ZDHHC11B: variants seen among roughly 807,000 people sequenced by gnomAD.
ZDHHC11B encodes the protein probable palmitoyltransferase ZDHHC11B.
A neutral mutation model predicts 42.3 loss-of-function variants in ZDHHC11B; 17 were observed. That is an observed-to-expected ratio of 0.40 (90% CI 0.27 to 0.60). The LOEUF (loss-of-function observed/expected upper bound fraction) is 0.60. Among genes scored for constraint, ZDHHC11B ranks in the 20% least tolerant of loss-of-function variants. The pLI is 0.41. For synonymous variants in ZDHHC11B, 123 were observed against 193.5 expected, an observed-to-expected ratio of 0.64 and a Z score of 3.02; for missense variants, 262 against 463.2, an observed-to-expected ratio of 0.57 and a Z score of 3.99.
chr5:771,419 G>A (rs866898894), intron 1 of ZDHHC11B, among the ~76,000 whole-genome samples: 2 of 151,628 alleles, frequency 1.3e-5, no homozygotes, highest in South Asian at 2.1e-4. Context: ...GGATGCAGGG[G>A]CAGGATCCTG....
In ZDHHC11B at chr5:760,664, T is replaced by C. The variant is rs560943361; in HGVS notation, c.223-4520A>G. On this transcript the variant is annotated intron_variant, in intron 4 of 13. Transcript: ENST00000508859. ...GGAGGGCACCTTCCTCTGCAGAGCA[T>C]GCACTGGGCCCTGCGGTGGAATCGC... Among the ~76,000 whole-genome samples the C allele has an allele frequency of 1.4e-4, 21 of 151,950 alleles. 2 individuals carry two copies. In the South Asian group the frequency reaches 4.0e-3, roughly 29 times the overall value.
In ZDHHC11B at chr5:767,397, C is replaced by A. The variant is rs528726624; in HGVS notation, c.-6G>T. 4 of 1,567,050 alleles carry A rather than the reference C, an allele frequency of 2.6e-6. No homozygotes were observed. Among genetic ancestry groups the A allele is most frequent in the Non-Finnish European group, 3.5e-6 (4 of 1,151,340 alleles). ...TCCCCGGGGCCAACACCTGCCTCGG[C>A]GCACACTGCACGCCTGTCTCATCTC... On this transcript the variant is annotated 5_prime_UTR_variant, in exon 3 of 14. Transcript: ENST00000508859.
intron 13 of ZDHHC11B, among the ~76,000 whole-genome samples, chr5:713,873 C>T (rs1268796639): frequency 2.0e-5 from 3 of 147,422 alleles, no homozygotes; most frequent in African/African-American, 7.4e-5. Flanking sequence ...TACTGATTGG[C>T]TTGCCATTTT....
At chr5:743,267 GTCTC>G (rs1315073479) in intron 9 of ZDHHC11B, among the ~76,000 whole-genome samples, 1 of 149,532 alleles carries the variant, frequency 6.7e-6, no homozygotes, top group African/African-American at 2.5e-5. Context: ...GTAGCTTTAT[GTCTC>G]TCTCTATGTC....
chr5:771,858 C>A (rs1165851938), intron 1 of ZDHHC11B, among the ~76,000 whole-genome samples: 1 of 146,050 alleles, frequency 6.8e-6, no homozygotes, highest in South Asian at 2.3e-4. Context: ...TATTCACACA[C>A]CTCAGAGAGT....
chr5:741,145 T>C (rs1162570104), intron 10 of ZDHHC11B, among the ~76,000 whole-genome samples: 1 of 127,022 alleles, frequency 7.9e-6, no homozygotes, highest in African/African-American at 2.7e-5. Flanking sequence ...CCTGGCCCTG[T>C]TGGGTGGGGC....
chr5:752,610 G>A (rs1697957), intron 6 of ZDHHC11B, among the ~76,000 whole-genome samples: 1 of 93,248 alleles, frequency 1.1e-5, no homozygotes, highest in Non-Finnish European at 2.5e-5. Context: ...TGCCGCAGTC[G>A]TCCGAAGACG....
At chr5:719,938 G>C (rs1381883727) in intron 12 of ZDHHC11B, among the ~76,000 whole-genome samples, 1 of 151,744 alleles carries the variant, frequency 6.6e-6, no homozygotes, top group Non-Finnish European at 1.5e-5. Context: ...GGACATGAAT[G>C]ATCCCTTTGT....
At chr5:777,063 A>G (rs1736565928) in intron 1 of ZDHHC11B, among the ~76,000 whole-genome samples, 1 of 151,868 alleles carries the variant, frequency 6.6e-6, no homozygotes, top group Non-Finnish European at 1.5e-5. Flanking sequence ...GGTCTCGCTG[A>G]CGTCAGGAAT....
chr5:726,763 C>A (rs1453129625), intron 12 of ZDHHC11B, among the ~76,000 whole-genome samples: 2 of 102,966 alleles, frequency 1.9e-5, no homozygotes, highest in African/African-American at 8.4e-5. Flanking sequence ...TAGGTTTTTA[C>A]ACCAAGAATG....
intron 1 of ZDHHC11B, among the ~76,000 whole-genome samples, chr5:778,002 C>A (rs1412072841): frequency 1.3e-5 from 2 of 151,944 alleles, no homozygotes; most frequent in Non-Finnish European, 2.9e-5. Flanking sequence ...AGAATTTGAG[C>A]ATGGCGCAGG....
At chr5:732,961 G>C (rs1002866476) in intron 11 of ZDHHC11B, among the ~76,000 whole-genome samples, 15 of 151,762 alleles carry the variant, frequency 9.9e-5, no homozygotes, top group Non-Finnish European at 2.1e-4. Flanking sequence ...GGAGGCTGAG[G>C]TGGGACAATT....
At position 754,389 on chromosome 5, in the gene ZDHHC11B, T is replaced by TGA. The variant is rs1561163868; in HGVS notation, c.503+608_503+609insTC. 9.6e-3 allele frequency among the ~76,000 whole-genome samples: 251 copies of TGA among 26,182 alleles called. 8 individuals carry two copies. Among genetic ancestry groups the TGA allele is most frequent in the African/African-American group, 0.034 (155 of 4,526 alleles). The allele number at this position is 26,182 out of a possible 152,430, so 17.2% of individuals were successfully genotyped here. A position where few individuals can be genotyped will look rare whatever the true frequency, so the allele number is the denominator to read the frequency against. ...TCAGGGGAAACACCTCTCATCCTTG[T>TGA]GCCTCCACCATGCTCAGGAGAAACA... On this transcript the variant is annotated intron_variant, in intron 6 of 13. Transcript: ENST00000508859.
intron 1 of ZDHHC11B, among the ~76,000 whole-genome samples, chr5:780,283 C>T (rs1422529903): frequency 1.3e-5 from 2 of 150,654 alleles, no homozygotes; most frequent in African/African-American, 4.9e-5. Context: ...AAAGAACATC[C>T]CAGGAATGCC....
chr5:742,461 G>T (rs1454073573), intron 9 of ZDHHC11B, among the ~76,000 whole-genome samples: 2 of 82,374 alleles, frequency 2.4e-5, no homozygotes, highest in African/African-American at 3.8e-5. Flanking sequence ...TGGCTTTATT[G>T]TGCTTTGCTT....
intron 12 of ZDHHC11B, among the ~76,000 whole-genome samples, chr5:720,019 T>G (rs973036474): frequency 3.3e-5 from 5 of 151,926 alleles, no homozygotes; most frequent in African/African-American, 1.2e-4. Context: ...ATACAGGGTT[T>G]GGTACTATCT....
At chr5:766,169 G>T (rs775057857) in intron 4 of ZDHHC11B, among the ~76,000 whole-genome samples, 1 of 151,804 alleles carries the variant, frequency 6.6e-6, no homozygotes, top group Non-Finnish European at 1.5e-5. Flanking sequence ...GCTCCCACCC[G>T]CTGGAAGATG....
intron 4 of ZDHHC11B, among the ~76,000 whole-genome samples, chr5:765,549 G>C (rs1486189563): frequency 6.6e-6 from 1 of 151,928 alleles, no homozygotes; most frequent in African/African-American, 2.4e-5. Context: ...GGATGTGGGT[G>C]GGGCCAGATA....
chr5:757,197 G>T (rs1235767994), intron 4 of ZDHHC11B, among the ~76,000 whole-genome samples: 1 of 151,904 alleles, frequency 6.6e-6, no homozygotes, highest in Admixed American at 6.6e-5. Context: ...ATGAGTTCAG[G>T]GTTGACAGCC....
Sources: gnomAD v4.1 joint callset for allele counts (sites outside exome capture counted in the v4.1 genomes callset) on GRCh38, gnomAD v4.1.1 for gene constraint, MANE v1.5 for transcripts, NCBI Gene and HGNC (gene_info 2026-07-23, HGNC 2026-07-21) for gene names.